Variants in LRMDA observed in about 807,000 individuals in gnomAD.
LRMDA encodes the protein leucine-rich melanocyte differentiation-associated protein.
LRMDA carries 18 observed loss-of-function variants against 29.8 expected under a neutral mutation model. The observed-to-expected ratio is 0.60, with a 90% CI of 0.42 to 0.90. The LOEUF (loss-of-function observed/expected upper bound fraction) is 0.90. Among genes scored for constraint, LRMDA ranks in the 40% least tolerant of loss-of-function variants. LRMDA has a pLI of 0.00. For missense variants in LRMDA, 273 were observed against 273.9 expected (o/e 1.00, Z 0.02); for synonymous variants, 125 against 109.4 (o/e 1.14, Z -0.89).
intron 2 of LRMDA, among the ~76,000 whole-genome samples, chr10:75,728,470 G>GTGTA (rs1491311207): frequency 7.2e-6 from 1 of 139,522 alleles, no homozygotes; most frequent in Non-Finnish European, 1.6e-5. Context: ...GTGTGTGTGT[G>GTGTA]TATGAAAGGT....
chr10:76,359,884 G>A (rs145051558), intron 6 of LRMDA, among the ~76,000 whole-genome samples: 257 of 152,278 alleles, frequency 1.7e-3, no homozygotes, highest in African/African-American at 5.3e-3. Context: ...TGAAATAGCA[G>A]CAAGTTTTAC....
At chr10:76,137,785 A>C (rs1224317767) in intron 5 of LRMDA, among the ~76,000 whole-genome samples, 3 of 149,344 alleles carry the variant, frequency 2.0e-5, no homozygotes, top group South Asian at 4.2e-4. Context: ...AAAAAAAAAA[A>C]ACAAACAAAA....
chr10:75,955,299 G>A (rs1846645520), intron 2 of LRMDA, among the ~76,000 whole-genome samples: 1 of 152,138 alleles, frequency 6.6e-6, no homozygotes, highest in African/African-American at 2.4e-5. Flanking sequence ...GATGCAGGTT[G>A]AAATTGTGCC....
chr10:75,439,942 G>A (rs1844309206), intron 2 of LRMDA, among the ~76,000 whole-genome samples: 1 of 152,018 alleles, frequency 6.6e-6, no homozygotes, highest in Non-Finnish European at 1.5e-5. Flanking sequence ...GCCCCCAGGG[G>A]CTCAGGGCAC....
intron 2 of LRMDA, among the ~76,000 whole-genome samples, chr10:75,967,494 C>G (rs1846883629): frequency 6.6e-6 from 1 of 152,158 alleles, no homozygotes; most frequent in Non-Finnish European, 1.5e-5. Flanking sequence ...AAAGAACTTA[C>G]TTAAAATTCA....
chr10:75,914,088 C>T (rs1335936014), intron 2 of LRMDA, among the ~76,000 whole-genome samples: 2 of 152,072 alleles, frequency 1.3e-5, no homozygotes, highest in East Asian at 1.9e-4. Flanking sequence ...TGATATCATC[C>T]GAAAAAAGCC....
chr10:75,914,747 T>C (rs12251466), intron 2 of LRMDA, among the ~76,000 whole-genome samples: 7,776 of 152,300 alleles, frequency 0.051, 352 homozygotes, highest in East Asian at 0.21. Flanking sequence ...GTGTATTTGG[T>C]TTCTTAATTA....
intron 5 of LRMDA, among the ~76,000 whole-genome samples, chr10:76,212,432 G>C (rs1336898634): frequency 6.6e-6 from 1 of 152,016 alleles, no homozygotes; most frequent in Non-Finnish European, 1.5e-5. Context: ...TCTAATTATT[G>C]CTTCTACTCC....
chr10:75,802,771 A>G (rs1730712122), intron 2 of LRMDA, among the ~76,000 whole-genome samples: 1 of 152,154 alleles, frequency 6.6e-6, no homozygotes, highest in Non-Finnish European at 1.5e-5. Context: ...TACTCTTCCA[A>G]TTTAATGTCT....
At chr10:76,058,577 G>T in intron 4 of LRMDA, 89 bp from the exon 5 acceptor site, 1 of 1,050,150 alleles carries the variant, frequency 9.5e-7, no homozygotes, top group East Asian at 2.4e-5. Flanking sequence ...AGACCGGATG[G>T]TGTGGATTCT....
intron 5 of LRMDA, among the ~76,000 whole-genome samples, chr10:76,179,331 T>C (rs533837121): frequency 1.3e-5 from 2 of 152,272 alleles, no homozygotes; most frequent in South Asian, 2.1e-4. Context: ...GAGCTTTTTT[T>C]CAAGCATGTA....
intron 2 of LRMDA, among the ~76,000 whole-genome samples, chr10:75,940,780 G>A (rs1044312772): frequency 6.6e-6 from 1 of 152,108 alleles, no homozygotes; most frequent in Non-Finnish European, 1.5e-5. Flanking sequence ...GTGTGTGTGT[G>A]TGTGCGCGCG....
intron 2 of LRMDA, among the ~76,000 whole-genome samples, chr10:75,964,223 C>G (rs1468236291): frequency 6.6e-6 from 1 of 152,086 alleles, no homozygotes; most frequent in Non-Finnish European, 1.5e-5. Context: ...TTATTTATAG[C>G]TATTATGCAG....
At chr10:75,725,895 G>T (rs1842626018) in intron 2 of LRMDA, among the ~76,000 whole-genome samples, 1 of 152,154 alleles carries the variant, frequency 6.6e-6, no homozygotes, top group Non-Finnish European at 1.5e-5. Context: ...CTAGAGTAGA[G>T]ATGTTGGATC....
chr10:75,982,626 A>C (rs1847192743), intron 2 of LRMDA, among the ~76,000 whole-genome samples: 1 of 152,304 alleles, frequency 6.6e-6, no homozygotes. Flanking sequence ...ATTTTAGCTT[A>C]TTTGTTATCT....
At chr10:76,343,109 C>A (rs1030782838) in intron 6 of LRMDA, among the ~76,000 whole-genome samples, 2 of 152,198 alleles carry the variant, frequency 1.3e-5, no homozygotes, top group Non-Finnish European at 2.9e-5. Context: ...TGCAGATAGG[C>A]TGTTGTGAGT....
intron 5 of LRMDA, among the ~76,000 whole-genome samples, chr10:76,128,490 A>G (rs574728398): frequency 1.3e-5 from 2 of 152,222 alleles, no homozygotes; most frequent in Non-Finnish European, 2.9e-5. Flanking sequence ...CCAGTTGGAG[A>G]AATTAAAAGC....
chr10:75,995,762 G>A (rs1171292613), intron 2 of LRMDA, among the ~76,000 whole-genome samples: 2 of 152,152 alleles, frequency 1.3e-5, no homozygotes, highest in Admixed American at 6.5e-5. Context: ...CTTCCTGCCT[G>A]CAGTAATTTA....
intron 2 of LRMDA, among the ~76,000 whole-genome samples, chr10:75,514,367 G>A (rs1845265080): frequency 6.8e-6 from 1 of 146,944 alleles, no homozygotes; most frequent in Non-Finnish European, 1.5e-5. Context: ...GCCTCCAAAT[G>A]TCCTCTGTTC....
Sources: gnomAD v4.1 joint callset for allele counts (sites outside exome capture counted in the v4.1 genomes callset) on GRCh38, gnomAD v4.1.1 for gene constraint, MANE v1.5 for transcripts, NCBI Gene and HGNC (gene_info 2026-07-23, HGNC 2026-07-21) for gene names.